Variants in PRKG1 observed in about 807,000 individuals in gnomAD.
The protein encoded by PRKG1 is protein kinase cGMP-dependent 1, also known as cGMP-dependent protein kinase 1.
Under a neutral mutation model 88.1 loss-of-function variants are expected in PRKG1, and 35 were observed. The observed-to-expected ratio is 0.40, with a 90% CI of 0.30 to 0.53. The LOEUF (loss-of-function observed/expected upper bound fraction) is 0.53, where lower values mean the gene tolerates loss of function less well. PRKG1 is among the 20% of genes least tolerant of loss of function. The pLI, the probability that PRKG1 is intolerant of heterozygous loss-of-function variation, is 0.59. For synonymous variants in PRKG1, 303 were observed against 292.5 expected (o/e 1.04, Z -0.37); for missense variants, 540 against 839.8 (o/e 0.64, Z 4.41).
chr10:52,109,996 A>G (rs938654825), intron 7 of PRKG1, among the ~76,000 whole-genome samples: 4 of 151,778 alleles, frequency 2.6e-5, no homozygotes, highest in Admixed American at 6.6e-5. Flanking sequence ...TGCAAAGATC[A>G]GGGTCATGAT....
intron 5 of PRKG1, among the ~76,000 whole-genome samples, chr10:52,011,460 T>G (rs1456714142): frequency 6.6e-6 from 1 of 152,178 alleles, no homozygotes; most frequent in East Asian, 1.9e-4. Flanking sequence ...ATAACTTCCT[T>G]TCTCCCCTCC....
At position 51,743,710 on chromosome 10, in the gene PRKG1, A is replaced by AT. The variant is rs1491406009; in HGVS notation, c.593-60875_593-60874insT. On this transcript the variant is annotated intron_variant, in intron 3 of 17. Transcript: ENST00000373980. ...ATTTATTATATATATAATATAAACT[A>AT]AATATATATATATATAATATAAACT... is the stretch of plus-strand genomic sequence containing the variant. Among the ~76,000 whole-genome samples the AT allele has an allele frequency of 4.8e-3, 527 of 110,504 alleles. 5 individuals are homozygous for AT. Among genetic ancestry groups the AT allele is most frequent in the African/African-American group, 0.019 (506 of 26,034 alleles). 72.5% of individuals were successfully genotyped at this position (110,504 alleles called of 152,430 possible).
intron 3 of PRKG1, among the ~76,000 whole-genome samples, chr10:51,473,030 G>A (rs376139191): frequency 8.9e-4 from 135 of 152,002 alleles, no homozygotes; most frequent in African/African-American, 3.1e-3. Flanking sequence ...TGTTATCATC[G>A]CAGACAATGA....
At chr10:51,725,382 G>A (rs1241659173) in intron 3 of PRKG1, among the ~76,000 whole-genome samples, 1 of 151,962 alleles carries the variant, frequency 6.6e-6, no homozygotes, top group Admixed American at 6.6e-5. Context: ...TGAAGTTACT[G>A]ACTAGTTTGT....
intron 5 of PRKG1, among the ~76,000 whole-genome samples, chr10:51,916,264 C>T (rs1306459876): frequency 6.6e-6 from 1 of 152,056 alleles, no homozygotes; most frequent in African/African-American, 2.4e-5. Flanking sequence ...AGTAAAGAAC[C>T]CAGCTAAAAC....
chr10:51,834,886 TG>T (rs1840095317), intron 4 of PRKG1, among the ~76,000 whole-genome samples: 1 of 152,052 alleles, frequency 6.6e-6, no homozygotes, highest in African/African-American at 2.4e-5. Context: ...CACTGAGTCT[TG>T]GGGCCTCCAG....
chr10:51,294,714 A>G (rs190585360), intron 2 of PRKG1, among the ~76,000 whole-genome samples: 81 of 152,166 alleles, frequency 5.3e-4, no homozygotes, highest in Non-Finnish European at 8.4e-4. Flanking sequence ...TTTGATTATT[A>G]TAGCTTTGTA....
At chr10:51,374,093 A>AATATATATATATATAT (rs58198784) in intron 2 of PRKG1, among the ~76,000 whole-genome samples, 1 of 100,142 alleles carries the variant, frequency 1.0e-5, no homozygotes, top group Non-Finnish European at 2.2e-5. Context: ...AAAAAAAAAA[A>AATATATATATATATAT]ATATATATAT....
At chr10:51,617,165 A>T (rs1010206673) in intron 3 of PRKG1, among the ~76,000 whole-genome samples, 2 of 152,144 alleles carry the variant, frequency 1.3e-5, no homozygotes, top group African/African-American at 4.8e-5. Context: ...CACAATGGGA[A>T]TATAGACCAC....
chr10:51,612,770 T>G (rs961671704), intron 3 of PRKG1, among the ~76,000 whole-genome samples: 1 of 151,970 alleles, frequency 6.6e-6, no homozygotes, highest in Non-Finnish European at 1.5e-5. Context: ...ATATAGGGCC[T>G]TTATTATTTT....
chr10:52,013,354 G>A (rs1844948163), intron 5 of PRKG1, among the ~76,000 whole-genome samples: 1 of 151,566 alleles, frequency 6.6e-6, no homozygotes, highest in South Asian at 2.1e-4. Flanking sequence ...GGGAGGCGGA[G>A]CTTGCAGTGA....
At chr10:51,360,689 C>A (rs1842460891) in intron 2 of PRKG1, among the ~76,000 whole-genome samples, 1 of 151,964 alleles carries the variant, frequency 6.6e-6, no homozygotes, top group Non-Finnish European at 1.5e-5. Context: ...ACGCTTTTGT[C>A]TTTATAGTTA....
At chr10:51,797,349 TTA>T (rs1339899554) in intron 3 of PRKG1, among the ~76,000 whole-genome samples, 3 of 146,932 alleles carry the variant, frequency 2.0e-5, no homozygotes, top group Admixed American at 6.9e-5. Flanking sequence ...ATAAATTTTG[TTA>T]TATATATAAG....
chr10:51,883,465 A>C (rs1841486826), intron 4 of PRKG1, among the ~76,000 whole-genome samples: 2 of 152,240 alleles, frequency 1.3e-5, no homozygotes, highest in Admixed American at 1.3e-4. Flanking sequence ...ATTTTCTGTA[A>C]ATTAAGCAAG....
intron 4 of PRKG1, among the ~76,000 whole-genome samples, chr10:51,814,090 G>C (rs1024422776): frequency 1.3e-5 from 2 of 152,130 alleles, no homozygotes; most frequent in Non-Finnish European, 2.9e-5. Context: ...CTGCATTTCT[G>C]GTTCTTTTTT....
intron 3 of PRKG1, chr10:51,697,468 G>A: frequency 1.8e-6 from 1 of 545,076 alleles, no homozygotes; most frequent in Non-Finnish European, 3.2e-6. Flanking sequence ...ATCATGTTCA[G>A]AGTTATTTTA....
intron 3 of PRKG1, among the ~76,000 whole-genome samples, chr10:51,537,383 C>A (rs938516113): frequency 5.9e-5 from 9 of 152,080 alleles, no homozygotes; most frequent in Non-Finnish European, 1.3e-4. Context: ...GGGAGTGTTG[C>A]TATTTTTAAG....
chr10:51,740,479 G>A (rs1837405241), intron 3 of PRKG1, among the ~76,000 whole-genome samples: 1 of 152,034 alleles, frequency 6.6e-6, no homozygotes, highest in African/African-American at 2.4e-5. Context: ...AACAAATTTT[G>A]TGATGAATGA....
chr10:51,049,074 G>C (rs1451717693), intron 1 of PRKG1, among the ~76,000 whole-genome samples: 2 of 151,592 alleles, frequency 1.3e-5, no homozygotes, highest in Admixed American at 6.6e-5. Context: ...TGCCATGACT[G>C]ACAGGGCCGG....
Sources: gnomAD v4.1 joint callset for allele counts (sites outside exome capture counted in the v4.1 genomes callset) on GRCh38, gnomAD v4.1.1 for gene constraint, MANE v1.5 for transcripts, NCBI Gene and HGNC (gene_info 2026-07-23, HGNC 2026-07-21) for gene names.